The following CNTN5 variants were observed in gnomAD, a reference collection of about 807,000 sequenced individuals.
CNTN5 encodes the protein contactin 5, also known as contactin-5.
A neutral mutation model predicts 129.1 loss-of-function variants in CNTN5; 77 were observed. The ratio of observed to expected loss-of-function variants is 0.60; its 90% CI spans 0.50 to 0.72. The LOEUF (loss-of-function observed/expected upper bound fraction) is 0.72, where lower values mean the gene tolerates loss of function less well. CNTN5 is among the 30% of genes least tolerant of loss of function. The pLI is 0.00. For synonymous variants in CNTN5, 509 were observed against 465.6 expected, an observed-to-expected ratio of 1.09 and a Z score of -1.20; for missense variants, 1,478 against 1,328.8, an observed-to-expected ratio of 1.11 and a Z score of -1.75.
At chr11:100,002,256 T>C (rs1021405293) in intron 9 of CNTN5, 120 bp downstream of exon 9, 11 of 600,454 alleles carry the variant, frequency 1.8e-5, no homozygotes, top group Non-Finnish European at 2.7e-5. Context: ...TGGCTATTTA[T>C]TTTCTAAAAG....
intron 2 of CNTN5, among the ~76,000 whole-genome samples, chr11:99,512,600 C>T (rs1284655494): frequency 1.3e-5 from 2 of 152,254 alleles, no homozygotes; most frequent in South Asian, 2.1e-4. Flanking sequence ...ACATCATGTG[C>T]TCACTTCCTG....
rs147848045 is a variant in CNTN5 at position 100,045,628 on chromosome 11, G to A, written c.981-15584G>A. On this transcript the variant is annotated intron_variant, in intron 9 of 24. Transcript: ENST00000524871. ...AAAAATATAAGGCTGACAAAAAGAA[G>A]TCATTTTCTCTCCAAAATGAGACTG... Among the ~76,000 whole-genome samples, 179 of 151,574 alleles carry A rather than the reference G, an allele frequency of 1.2e-3. 1 individual carries two copies. The highest frequency in any genetic ancestry group is 4.2e-3 in the African/African-American group (173 of 41,322).
chr11:99,100,348 G>A (rs372755186), intron 1 of CNTN5, among the ~76,000 whole-genome samples: 1 of 152,068 alleles, frequency 6.6e-6, no homozygotes. Context: ...ATCAAATCAT[G>A]TAAGAACAAT....
chr11:99,654,513 C>A (rs1033873287), intron 3 of CNTN5, among the ~76,000 whole-genome samples: 4 of 151,920 alleles, frequency 2.6e-5, no homozygotes, highest in Non-Finnish European at 5.9e-5. Context: ...ATGAAATGGT[C>A]CTTCAGAAAT....
chr11:99,655,848 A>G (rs986679830), intron 3 of CNTN5, among the ~76,000 whole-genome samples: 3 of 152,056 alleles, frequency 2.0e-5, no homozygotes, highest in Non-Finnish European at 2.9e-5. Flanking sequence ...AAATTTATCC[A>G]TGACTCCAAA....
intron 1 of CNTN5, among the ~76,000 whole-genome samples, chr11:99,324,907 C>G (rs1865718231): frequency 6.6e-6 from 1 of 152,094 alleles, no homozygotes; most frequent in African/African-American, 2.4e-5. Flanking sequence ...TCCCAAAGTG[C>G]CTGGATTACA....
intron 3 of CNTN5, among the ~76,000 whole-genome samples, chr11:99,692,956 T>A (rs1954103286): frequency 6.6e-6 from 1 of 152,108 alleles, no homozygotes; most frequent in Admixed American, 6.6e-5. Context: ...GATTGTGGAA[T>A]CAAGACAGCT....
chr11:99,522,871 C>A (rs1348615517), intron 2 of CNTN5, among the ~76,000 whole-genome samples: 1 of 152,162 alleles, frequency 6.6e-6, no homozygotes, highest in Admixed American at 6.5e-5. Flanking sequence ...TCTCGCCCTT[C>A]CTTCATGTGT....
At chr11:100,022,293 G>C (rs1941202333) in intron 9 of CNTN5, among the ~76,000 whole-genome samples, 1 of 152,108 alleles carries the variant, frequency 6.6e-6, no homozygotes, top group African/African-American at 2.4e-5. Flanking sequence ...ATGTAGTTGG[G>C]TCTTACTTTT....
chr11:99,787,746 A>G (rs541189487), intron 3 of CNTN5, among the ~76,000 whole-genome samples: 77 of 152,064 alleles, frequency 5.1e-4, no homozygotes, highest in Non-Finnish European at 8.2e-4. Flanking sequence ...GAACCAGAAA[A>G]AAATATATCA....
At chr11:99,404,251 T>C (rs1333006174) in intron 2 of CNTN5, among the ~76,000 whole-genome samples, 1 of 150,942 alleles carries the variant, frequency 6.6e-6, no homozygotes, top group Non-Finnish European at 1.5e-5. Context: ...TGTGTATTTA[T>C]AAGTTAAGTT....
chr11:99,930,981 A>G (rs966164236), intron 7 of CNTN5, among the ~76,000 whole-genome samples: 1 of 152,016 alleles, frequency 6.6e-6, no homozygotes, highest in Non-Finnish European at 1.5e-5. Context: ...TTCCTTTGTG[A>G]GTAAAAAATG....
intron 1 of CNTN5, among the ~76,000 whole-genome samples, chr11:99,076,299 G>A (rs746717325): frequency 6.6e-6 from 1 of 151,952 alleles, no homozygotes; most frequent in Admixed American, 6.6e-5. Flanking sequence ...TGCACCCAGT[G>A]AACTGGGTGA....
chr11:99,706,237 T>C (rs1954751104), intron 3 of CNTN5, among the ~76,000 whole-genome samples: 1 of 151,378 alleles, frequency 6.6e-6, no homozygotes, highest in Non-Finnish European at 1.5e-5. Context: ...ATCCTACATA[T>C]TGGGAGATGT....
intron 2 of CNTN5, among the ~76,000 whole-genome samples, chr11:99,427,765 CAAAAAAAA>C (rs36085825): frequency 1.2e-4 from 4 of 32,364 alleles, no homozygotes; most frequent in Non-Finnish European, 2.1e-4. Context: ...GACTCAGTCT[CAAAAAAAA>C]AAAAAAAAAA....
intron 1 of CNTN5, among the ~76,000 whole-genome samples, chr11:99,107,801 C>T (rs1289358968): frequency 2.0e-5 from 3 of 151,612 alleles, no homozygotes; most frequent in Non-Finnish European, 2.9e-5. Flanking sequence ...CATGGTGGCA[C>T]GCACCTGTAG....
At chr11:99,118,065 T>C (rs2135399498) in intron 1 of CNTN5, among the ~76,000 whole-genome samples, 1 of 152,230 alleles carries the variant, frequency 6.6e-6, no homozygotes, top group East Asian at 1.9e-4. Context: ...TTTTAGGAAA[T>C]ATATATATAC....
intron 13 of CNTN5, among the ~76,000 whole-genome samples, chr11:100,091,424 CTT>C (rs60075209): frequency 3.9e-4 from 45 of 114,420 alleles, no homozygotes; most frequent in African/African-American, 1.5e-3. Context: ...TTTATTTATT[CTT>C]TTTTTTTTTT....
At chr11:99,109,013 C>T (rs937407440) in intron 1 of CNTN5, among the ~76,000 whole-genome samples, 2 of 151,496 alleles carry the variant, frequency 1.3e-5, no homozygotes, top group Non-Finnish European at 2.9e-5. Flanking sequence ...TGTAGATACA[C>T]ATATACACAT....
Sources: gnomAD v4.1 joint callset for allele counts (sites outside exome capture counted in the v4.1 genomes callset) on GRCh38, gnomAD v4.1.1 for gene constraint, MANE v1.5 for transcripts, NCBI Gene and HGNC (gene_info 2026-07-23, HGNC 2026-07-21) for gene names.